Variants in CHN1 observed in about 807,000 individuals in gnomAD.
CHN1 encodes chimerin 1.
Under a neutral mutation model 59.5 loss-of-function variants are expected in CHN1, and 37 were observed. The ratio of observed to expected loss-of-function variants is 0.62; its 90% CI spans 0.48 to 0.82. CHN1 has a LOEUF of 0.82. Among genes scored for constraint, CHN1 ranks in the 40% least tolerant of loss-of-function variants. CHN1 has a pLI of 0.00. For missense variants in CHN1, 469 were observed against 571.0 expected (o/e 0.82, Z 1.82); for synonymous variants, 206 against 200.4 (o/e 1.03, Z -0.24).
intron 8 of CHN1, among the ~76,000 whole-genome samples, chr2:174,816,145 C>A (rs1047965524): frequency 6.6e-6 from 1 of 152,198 alleles, no homozygotes; most frequent in Non-Finnish European, 1.5e-5. Flanking sequence ...TCTCAGCTGC[C>A]TCATTACTGC....
intron 1 of CHN1, among the ~76,000 whole-genome samples, chr2:174,997,358 C>T (rs967349776): frequency 6.6e-6 from 1 of 152,164 alleles, no homozygotes; most frequent in Admixed American, 6.6e-5. Context: ...TCTAAAACTT[C>T]TACTTTCTTT....
rs1430213090 is a variant in CHN1, at chr2:174,799,771, C to A, written c.*345G>T. 1.8e-6 allele frequency: 1 copy of A among 541,062 alleles called. No individual in the cohort carries two copies. The highest frequency in any genetic ancestry group is 3.6e-6 in the Non-Finnish European group (1 of 281,236). 33.5% of individuals were successfully genotyped at this position (541,062 alleles called of 1,614,324 possible). ...CAACAGGCTTACTCTGTGAAACATGCTGGATTACAAGCACAGACTACCCAG... is the reference window on the plus strand; with the variant it reads ...CAACAGGCTTACTCTGTGAAACATGATGGATTACAAGCACAGACTACCCAG... On this transcript the variant is annotated 3_prime_UTR_variant, in exon 13 of 13. Transcript: ENST00000409900.
intron 3 of CHN1, among the ~76,000 whole-genome samples, chr2:174,936,441 T>C (rs1294998291): frequency 6.6e-6 from 1 of 152,164 alleles, no homozygotes; most frequent in African/African-American, 2.4e-5. Flanking sequence ...ATGTAATAAA[T>C]AGATATAGCT....
intron 7 of CHN1, among the ~76,000 whole-genome samples, chr2:174,845,857 T>C (rs1686493294): frequency 1.3e-5 from 2 of 151,904 alleles, no homozygotes; most frequent in African/African-American, 4.8e-5. Context: ...ATTGCAAATG[T>C]GGAATGAAAT....
chr2:174,862,958 A>G (rs1238916045), intron 6 of CHN1, among the ~76,000 whole-genome samples: 1 of 152,192 alleles, frequency 6.6e-6, no homozygotes, highest in Non-Finnish European at 1.5e-5. Flanking sequence ...GGTGTTTGGC[A>G]TTTTCTATAA....
In CHN1 at chr2:174,799,601, G is replaced by A; in HGVS notation, c.*515C>T. 1.9e-6 allele frequency: 1 copy of A among 528,194 alleles called. No homozygotes were observed. Among genetic ancestry groups the A allele is most frequent in the East Asian group, 4.0e-5 (1 of 24,848 alleles). 32.7% of individuals were successfully genotyped at this position (528,194 alleles called of 1,614,324 possible). ...AAGTACTATGTTAGAGAAGAACTAA[G>A]AGAAACCAGAAATCATTTGTAAAAT... On this transcript the variant is annotated 3_prime_UTR_variant, in exon 13 of 13. Coordinates refer to ENST00000409900, the MANE Select transcript of CHN1 (RefSeq NM_001822.7).
At chr2:174,982,104 A>G (rs968265770) in intron 1 of CHN1, among the ~76,000 whole-genome samples, 1 of 152,116 alleles carries the variant, frequency 6.6e-6, no homozygotes, top group Non-Finnish European at 1.5e-5. Context: ...AGCTTCACCC[A>G]TGTCCCTACA....
In CHN1 at chr2:174,800,107, A is replaced by C; in HGVS notation, c.*9T>G. 6.5e-7 allele frequency: 1 copy of C among 1,545,966 alleles called. No individual in the cohort carries two copies. Among genetic ancestry groups the C allele is most frequent in the East Asian group, 2.4e-5 (1 of 41,746 alleles). Reference sequence around the variant, plus strand: ...TGTAAAACATTTCTTTTCCCCTCAAATTAAAAATTTAAAATAAAATGTCTT... The same window carrying C: ...TGTAAAACATTTCTTTTCCCCTCAACTTAAAAATTTAAAATAAAATGTCTT... On this transcript the variant is annotated 3_prime_UTR_variant, in exon 13 of 13. Coordinates refer to ENST00000409900, the MANE Select transcript of CHN1 (RefSeq NM_001822.7).
At chr2:174,803,935 CCA>C (rs1452204028) in intron 11 of CHN1, among the ~76,000 whole-genome samples, 1 of 152,162 alleles carries the variant, frequency 6.6e-6, no homozygotes, top group African/African-American at 2.4e-5. Context: ...CTTTTAATTT[CCA>C]CAGTTAATCT....
intron 1 of CHN1, among the ~76,000 whole-genome samples, chr2:174,994,383 T>G (rs1438385320): frequency 1.3e-5 from 2 of 152,236 alleles, no homozygotes; most frequent in Non-Finnish European, 2.9e-5. Context: ...CATATGGATC[T>G]GGGCCTTACA....
At chr2:174,873,860 TAC>T (rs963506479) in intron 6 of CHN1, among the ~76,000 whole-genome samples, 1 of 152,042 alleles carries the variant, frequency 6.6e-6, no homozygotes, top group African/African-American at 2.4e-5. Flanking sequence ...AGAAAAAAAA[TAC>T]ACACACAGAC....
chr2:174,886,190 G>C (rs534023710), intron 5 of CHN1, among the ~76,000 whole-genome samples: 1 of 152,224 alleles, frequency 6.6e-6, no homozygotes, highest in African/African-American at 2.4e-5. Flanking sequence ...TTCATATGCA[G>C]GTTTTTCAGA....
At chr2:174,821,794 T>C (rs767177336) in intron 8 of CHN1, 5 of 432,276 alleles carry the variant, frequency 1.2e-5, no homozygotes, top group South Asian at 8.4e-5. Flanking sequence ...GAGAAATAAA[T>C]TTCTGTTATT....
At chr2:174,873,371 C>T (rs546793386) in intron 6 of CHN1, among the ~76,000 whole-genome samples, 6 of 152,280 alleles carry the variant, frequency 3.9e-5, no homozygotes, top group African/African-American at 1.2e-4. Context: ...ACTGGGAAGG[C>T]ACAAAATTAA....
In CHN1 at chr2:174,965,591, T is replaced by C. The variant is rs1690567334; in HGVS notation, c.20-13389A>G. On this transcript the variant is annotated intron_variant, in intron 1 of 12. Coordinates refer to ENST00000409900, the MANE Select transcript of CHN1 (RefSeq NM_001822.7). ...AAATTGTGATTTAGGTTTTAAAGCA[T>C]ATTAGTTTCAGATTGCCTTTGGTTT... Among the ~76,000 whole-genome samples, 4 of 152,236 alleles carry C rather than the reference T, an allele frequency of 2.6e-5. No homozygotes were observed. The South Asian group carries it at 8.3e-4, about 31-fold the overall frequency.
chr2:174,957,554 C>T (rs962149070), intron 1 of CHN1, among the ~76,000 whole-genome samples: 2 of 151,554 alleles, frequency 1.3e-5, no homozygotes, highest in African/African-American at 4.9e-5. Context: ...GCATTCAAGT[C>T]ATGTTATTAT....
intron 3 of CHN1, among the ~76,000 whole-genome samples, chr2:174,929,119 A>T (rs1689257141): frequency 3.3e-5 from 5 of 152,342 alleles, no homozygotes; most frequent in Admixed American, 2.0e-4. Flanking sequence ...TCTAGTTACC[A>T]GTACTAGAAA....
intron 6 of CHN1, among the ~76,000 whole-genome samples, chr2:174,855,049 C>T (rs1173172151): frequency 1.3e-5 from 2 of 152,144 alleles, no homozygotes; most frequent in Non-Finnish European, 2.9e-5. Flanking sequence ...CACTAAAGTA[C>T]AAATGACCAA....
At chr2:174,835,536 G>T (rs1686045960) in intron 7 of CHN1, among the ~76,000 whole-genome samples, 1 of 147,350 alleles carries the variant, frequency 6.8e-6, no homozygotes, top group African/African-American at 2.5e-5. Flanking sequence ...TGTTAAGACT[G>T]CTTGCTATTG....
Sources: allele counts gnomAD v4.1 joint callset (sites outside exome capture counted in the v4.1 genomes callset), GRCh38; gene constraint gnomAD v4.1.1; transcripts MANE v1.5; gene names NCBI Gene and HGNC (gene_info 2026-07-23, HGNC 2026-07-21).